The following ANK3 variants were observed in gnomAD, a reference collection of about 807,000 sequenced individuals.
ANK3 encodes ankyrin 3, also known as ankyrin-3.
Under a neutral mutation model 370.9 loss-of-function variants are expected in ANK3, and 57 were observed. The observed-to-expected ratio is 0.15, with a 90% CI of 0.12 to 0.19. ANK3 has a LOEUF of 0.19. Ranked by LOEUF, ANK3 falls within the 10% of genes least tolerant of loss-of-function variation. ANK3 has a pLI of 1.00. For synonymous variants in ANK3, 1,929 were observed against 1,946.3 expected (o/e 0.99, Z 0.23); for missense variants, 4,439 against 5,302.1 (o/e 0.84, Z 5.06).
At chr10:60,031,305 T>G (rs2073480001) in intron 43 of ANK3, among the ~76,000 whole-genome samples, 2 of 152,360 alleles carry the variant, frequency 1.3e-5, no homozygotes, top group South Asian at 2.1e-4. Context: ...TAGTGGAGGC[T>G]CCACTGAGAA....
chr10:60,174,046 C>T (rs2095861429), intron 18 of ANK3, among the ~76,000 whole-genome samples: 1 of 152,126 alleles, frequency 6.6e-6, no homozygotes, highest in Admixed American at 6.6e-5. Flanking sequence ...GAACATTGAC[C>T]TTTTATCACA....
At chr10:60,677,793 A>T (rs1164552781) in intron 1 of ANK3, among the ~76,000 whole-genome samples, 2 of 151,492 alleles carry the variant, frequency 1.3e-5, no homozygotes, top group Non-Finnish European at 2.9e-5. Flanking sequence ...CCAAAAAAAA[A>T]AAAAAAGAAA....
intron 2 of ANK3, among the ~76,000 whole-genome samples, chr10:60,500,964 T>C (rs1159018407): frequency 2.6e-5 from 4 of 152,200 alleles, no homozygotes; most frequent in African/African-American, 7.2e-5. Flanking sequence ...CCTTGAGATA[T>C]GCAAGCAAAC....
intron 9 of ANK3, 53 bp from the exon 10 acceptor site, chr10:60,208,286 G>C: frequency 6.6e-7 from 1 of 1,516,920 alleles, no homozygotes; most frequent in Non-Finnish European, 9.1e-7. Flanking sequence ...AAACACAAAT[G>C]TGCAGAACAC....
chr10:60,475,003 A>G (rs1335898954), intron 2 of ANK3, among the ~76,000 whole-genome samples: 1 of 152,130 alleles, frequency 6.6e-6, no homozygotes, highest in Non-Finnish European at 1.5e-5. Context: ...TTATCTTGTT[A>G]ACCCCAAACC....
In ANK3 at chr10:60,069,344, A is replaced by G. The variant is rs369515791; in HGVS notation, c.11537T>C (p.Val3846Ala). 231 of 1,613,670 alleles carry G rather than the reference A, an allele frequency of 1.4e-4. No homozygotes were observed. Among genetic ancestry groups the G allele is most frequent in the Non-Finnish European group, 1.9e-4 (221 of 1,179,952 alleles). ...QGHCVRDKQK[V>A]LGEQQKTKEL... is the part of the protein sequence containing the mutation. ...CTTTGTTTTTTGCTGTTCTCCAAGA[A>G]CTTTCTGCTTATCTCTTACACAGTG... Residue 3846 changes from valine to alanine, a missense_variant, in exon 37 of 44, where the codon GTT becomes GCT. Coordinates refer to ENST00000280772, the MANE Select transcript of ANK3 (RefSeq NM_020987.5).
At chr10:60,676,345 T>C (rs2079125453) in intron 1 of ANK3, among the ~76,000 whole-genome samples, 1 of 152,190 alleles carries the variant, frequency 6.6e-6, no homozygotes, top group Non-Finnish European at 1.5e-5. Flanking sequence ...TTTTAAAATA[T>C]GAATTAGACC....
At chr10:60,060,579 A>ATTGT (rs1055691101) in intron 40 of ANK3, 1 of 152,338 alleles carries the variant, frequency 6.6e-6, no homozygotes, top group Middle Eastern at 3.4e-3. Context: ...GAAAGAAATG[A>ATTGT]TTGTTTGTTA....
chr10:60,383,488 T>C (rs1163711841), intron 1 of ANK3, among the ~76,000 whole-genome samples: 3 of 152,126 alleles, frequency 2.0e-5, no homozygotes, highest in African/African-American at 7.2e-5. Context: ...TACTCTATAG[T>C]TCACACTCTT....
intron 2 of ANK3, among the ~76,000 whole-genome samples, chr10:60,489,844 G>GA (rs2075448062): frequency 6.6e-6 from 1 of 152,092 alleles, no homozygotes; most frequent in Admixed American, 6.5e-5. Context: ...TTCTTCACAG[G>GA]AAAAAAAGCA....
chr10:60,368,275 T>A (rs551326953), intron 1 of ANK3, among the ~76,000 whole-genome samples: 3 of 151,938 alleles, frequency 2.0e-5, no homozygotes, highest in Admixed American at 6.6e-5. Flanking sequence ...AGAACAAAAG[T>A]ATTGTCTGGC....
intron 23 of ANK3, among the ~76,000 whole-genome samples, chr10:60,164,487 T>A: frequency 7.0e-6 from 1 of 143,348 alleles, no homozygotes; most frequent in Non-Finnish European, 1.5e-5. Flanking sequence ...AGCAATGATA[T>A]ACCTGAAAAA....
chr10:60,714,526 G>A (rs938840821), intron 1 of ANK3, among the ~76,000 whole-genome samples: 11 of 152,004 alleles, frequency 7.2e-5, no homozygotes, highest in African/African-American at 1.9e-4. Context: ...AAAAATAATC[G>A]TACATCTTGA....
intron 18 of ANK3, 127 bp from the exon 19 acceptor site, chr10:60,173,313 T>C: frequency 1.4e-6 from 1 of 700,354 alleles, no homozygotes; most frequent in Non-Finnish European, 2.3e-6. Flanking sequence ...TTTTTTCTTC[T>C]CTATATTAAA....
At chr10:60,261,805 A>G (rs2097809945) in intron 7 of ANK3, 54 bp downstream of exon 7, 1 of 1,477,886 alleles carries the variant, frequency 6.8e-7, no homozygotes, top group South Asian at 1.2e-5. Context: ...GGGGAAAGAG[A>G]GTATAAAATA....
intron 4 of ANK3, among the ~76,000 whole-genome samples, chr10:60,276,352 T>C (rs966860891): frequency 2.0e-5 from 3 of 152,140 alleles, no homozygotes; most frequent in Admixed American, 6.5e-5. Flanking sequence ...TAAATGGAGG[T>C]GACATCATTG....
At chr10:60,426,909 A>T (rs1230163175) in intron 2 of ANK3, among the ~76,000 whole-genome samples, 1 of 152,120 alleles carries the variant, frequency 6.6e-6, no homozygotes, top group African/African-American at 2.4e-5. Context: ...AATTTAAGCA[A>T]AATCACACCT....
intron 2 of ANK3, among the ~76,000 whole-genome samples, chr10:60,559,160 G>A (rs1016904278): frequency 3.3e-5 from 5 of 152,170 alleles, no homozygotes; most frequent in African/African-American, 1.2e-4. Flanking sequence ...GGAACGGGTG[G>A]TGTTTGGTTA....
chr10:60,709,784 C>A (rs1015305566), intron 1 of ANK3, among the ~76,000 whole-genome samples: 5 of 149,790 alleles, frequency 3.3e-5, no homozygotes, highest in African/African-American at 9.9e-5. Flanking sequence ...GCCATGATTG[C>A]GCCACTACAC....
Sources: gnomAD v4.1 joint callset for allele counts (sites outside exome capture counted in the v4.1 genomes callset) on GRCh38, gnomAD v4.1.1 for gene constraint, MANE v1.5 for transcripts, NCBI Gene and HGNC (gene_info 2026-07-23, HGNC 2026-07-21) for gene names.